The following CEP120 variants were observed in gnomAD, a reference collection of about 807,000 sequenced individuals.
The protein encoded by CEP120 is centrosomal protein 120.
A neutral mutation model predicts 126.5 loss-of-function variants in CEP120; 113 were observed. The observed-to-expected ratio is 0.89, with a 90% CI of 0.77 to 1.04. The LOEUF (loss-of-function observed/expected upper bound fraction) is 1.04. Ranked by LOEUF, CEP120 falls within the 50% of genes least tolerant of loss-of-function variation. The pLI is 0.00. For missense variants in CEP120, 1,230 were observed against 1,155.7 expected (o/e 1.06, Z -0.93); for synonymous variants, 400 against 394.3 (o/e 1.01, Z -0.17).
intron 4 of CEP120, chr5:123,402,098 G>T (rs1348074999): frequency 2.5e-6 from 4 of 1,572,968 alleles, no homozygotes; most frequent in South Asian, 1.1e-5. Context: ...CCTGGATGTC[G>T]GGGTCCACCT....
Position 123,388,530 on chromosome 5 carries a change from C to T in CEP120, c.1332G>A (p.Lys444=). ...SNASEVASGQ[K]IAVPATSHHF... is the part of the protein sequence containing the mutation. ...GATGTGATGTTGCTGGTACAGCAAT[C>T]TTCTGTCCTGAAGCTACTTCTGAAG... The change falls in exon 9 of 20, where the codon AAG becomes AAA. Residue 444 remains lysine, a synonymous_variant. Coordinates refer to ENST00000306467, the MANE Select transcript of CEP120 (RefSeq NM_001375405.1). 2 of 1,611,318 alleles carry T rather than the reference C, an allele frequency of 1.2e-6. No homozygotes were observed. The highest frequency in any genetic ancestry group is 1.3e-5 in the African/African-American group (1 of 74,970).
At chr5:123,348,556 T>A (rs1213535740) in intron 19 of CEP120, among the ~76,000 whole-genome samples, 1 of 152,250 alleles carries the variant, frequency 6.6e-6, no homozygotes, top group Non-Finnish European at 1.5e-5. Flanking sequence ...CTTTTGCAAC[T>A]GGTATTTCTT....
chr5:123,388,416 C>A lies in CEP120; in HGVS notation c.1430+16G>T. ...CTCTTCAGAAAATAATACTTTGAAA[C>A]AAAATCAAATCACACCTTAATATAC... On this transcript the variant is annotated intron_variant, in intron 9 of 19. Coordinates refer to ENST00000306467, the MANE Select transcript of CEP120 (RefSeq NM_001375405.1). The A allele has an allele frequency of 6.9e-7, 1 of 1,454,058 alleles. No individual in the cohort carries two copies. The highest frequency in any genetic ancestry group is 9.1e-7 in the Non-Finnish European group (1 of 1,095,788). 90.1% of individuals were successfully genotyped at this position (1,454,058 alleles called of 1,614,324 possible). A position where few individuals can be genotyped will look rare whatever the true frequency, so the allele number is the denominator to read the frequency against.
In CEP120 at chr5:123,346,404, G is replaced by C; in HGVS notation, c.*115C>G. The C allele has an allele frequency of 4.3e-6, 3 of 705,140 alleles. No individual in the cohort carries two copies. Among genetic ancestry groups the C allele is most frequent in the Middle Eastern group, 2.9e-4 (1 of 3,454 alleles). 43.7% of individuals were successfully genotyped at this position (705,140 alleles called of 1,614,324 possible). A position where few individuals can be genotyped will look rare whatever the true frequency, so the allele number is the denominator to read the frequency against. On this transcript the variant is annotated 3_prime_UTR_variant, in exon 20 of 20. Transcript: ENST00000306467. ...ACTATACAATAACATACAAAATTTT[G>C]CTTATAAAAAATTGAAAATACCATT...
intron 17 of CEP120, among the ~76,000 whole-genome samples, chr5:123,369,028 C>G (rs1290561482): frequency 6.6e-6 from 1 of 151,560 alleles, no homozygotes; most frequent in African/African-American, 2.4e-5. Context: ...AGTTTGAGAA[C>G]TACTGTTCTA....
In CEP120 at chr5:123,388,459, A is replaced by G. The variant is rs777637331; in HGVS notation, c.1403T>C (p.Ile468Thr). 7.7e-6 allele frequency: 12 copies of G among 1,560,482 alleles called. No individual in the cohort carries two copies. Among genetic ancestry groups the G allele is most frequent in the Middle Eastern group, 1.7e-4 (1 of 5,876 alleles). The change falls in exon 9 of 20, where the codon ATT becomes ACT. Residue 468 changes from isoleucine (I) to threonine (T), a missense_variant. Ile to Thr is a moderately conservative substitution (Grantham distance 89, BLOSUM62 -1). Coordinates refer to ENST00000306467, the MANE Select transcript of CEP120 (RefSeq NM_001375405.1). ...TAATATACAGTTGATTGGAAAACCA[A>G]TCTCCAAGGCATGTATACTCCTTAA... The part of the protein sequence containing the change: ...IDLRSIHALE[I>T]GFPINCILRY...
intron 18 of CEP120, among the ~76,000 whole-genome samples, chr5:123,353,791 T>C (rs754135946): frequency 3.9e-5 from 6 of 152,024 alleles, no homozygotes; most frequent in Non-Finnish European, 8.8e-5. Flanking sequence ...TTGAGATCTA[T>C]AGTCTTGTCT....
intron 4 of CEP120, among the ~76,000 whole-genome samples, chr5:123,407,285 T>C (rs921742277): frequency 2.0e-5 from 3 of 152,078 alleles, no homozygotes; most frequent in Non-Finnish European, 2.9e-5. Flanking sequence ...TGAACATCAA[T>C]AGTTTAAATG....
At chr5:123,405,564 G>A (rs903723318) in intron 4 of CEP120, among the ~76,000 whole-genome samples, 1 of 152,090 alleles carries the variant, frequency 6.6e-6, no homozygotes, top group Non-Finnish European at 1.5e-5. Flanking sequence ...TCCATGCAAG[G>A]GAAGGGAATA....
intron 14 of CEP120, among the ~76,000 whole-genome samples, chr5:123,380,304 ATGAAT>A (rs1771547483): frequency 6.6e-6 from 1 of 152,118 alleles, no homozygotes; most frequent in African/African-American, 2.4e-5. Flanking sequence ...TTTAAGACAA[ATGAAT>A]TAAAGTATTT....
In CEP120 at chr5:123,402,157, T is replaced by G. The variant is rs532499214; in HGVS notation, c.464-2873A>C. ...CTCTGGTTGACTGTGACCGCGGTGATGCCTCCCATGCCGCTGGCCCCACCA... is the reference window on the plus strand; with the variant it reads ...CTCTGGTTGACTGTGACCGCGGTGAGGCCTCCCATGCCGCTGGCCCCACCA... On this transcript the variant is annotated intron_variant, in intron 4 of 19. Coordinates refer to ENST00000306467, the MANE Select transcript of CEP120 (RefSeq NM_001375405.1). 1.6e-5 allele frequency: 25 copies of G among 1,582,046 alleles called. No homozygotes were observed. The African/African-American group carries it at 3.1e-4, about 20-fold the overall frequency.
chr5:123,415,905 G>T, intron 3 of CEP120, 105 bp downstream of exon 3: 1 of 710,680 alleles, frequency 1.4e-6, no homozygotes, highest in Non-Finnish European at 2.4e-6. Flanking sequence ...TCAAGTCTAT[G>T]ACTGATCAGG....
At chr5:123,350,533 A>C (rs1561988356) in intron 18 of CEP120, among the ~76,000 whole-genome samples, 1 of 152,234 alleles carries the variant, frequency 6.6e-6, no homozygotes. Flanking sequence ...TGAAGGCAAG[A>C]AAGAGGGTGC....
In CEP120 at chr5:123,382,939, A is replaced by G. The variant is rs1375520054; in HGVS notation, c.1860+47T>C. Reference sequence around the variant, plus strand: ...TTTAAACACTCACACACATATGCACATTAGATTCCTTTTAAAAAAAATTTG... The same window carrying G: ...TTTAAACACTCACACACATATGCACGTTAGATTCCTTTTAAAAAAAATTTG... On this transcript the variant is annotated intron_variant, in intron 12 of 19. Coordinates refer to ENST00000306467, the MANE Select transcript of CEP120 (RefSeq NM_001375405.1). The G allele has an allele frequency of 1.9e-5, 30 of 1,603,540 alleles. No homozygotes were observed. The East Asian group carries it at 6.5e-4, about 35-fold the overall frequency.
At chr5:123,349,335 T>C (rs1363486988) in intron 19 of CEP120, among the ~76,000 whole-genome samples, 1 of 151,974 alleles carries the variant, frequency 6.6e-6, no homozygotes, top group African/African-American at 2.4e-5. Context: ...CCTCACAAAG[T>C]AGCTTTGAAG....
rs182269174 is a variant in CEP120 at position 123,346,125 on chromosome 5, T to C, written c.*394A>G. ...CAACTTTTAAGAATTTACATTCAAATGGAATAGGACGCAGCGTTTTTAAAG... is the reference window on the plus strand; with the variant it reads ...CAACTTTTAAGAATTTACATTCAAACGGAATAGGACGCAGCGTTTTTAAAG... On this transcript the variant is annotated 3_prime_UTR_variant, in exon 20 of 20. Coordinates refer to ENST00000306467, the MANE Select transcript of CEP120 (RefSeq NM_001375405.1). 2.3e-4 allele frequency: 37 copies of C among 158,076 alleles called. No individual in the cohort carries two copies. Among genetic ancestry groups the C allele is most frequent in the South Asian group, 1.6e-3 (8 of 5,092 alleles). 9.8% of individuals were successfully genotyped at this position (158,076 alleles called of 1,614,324 possible).
intron 4 of CEP120, chr5:123,402,482 C>T (rs1385059237): frequency 1.0e-5 from 6 of 581,170 alleles, no homozygotes; most frequent in Non-Finnish European, 1.3e-5. Context: ...TGGATCTCGG[C>T]TTACTGCAAC....
Position 123,399,228 on chromosome 5 carries a change from C to G in CEP120, c.520G>C (p.Glu174Gln). 6.2e-7 allele frequency: 1 copy of G among 1,614,158 alleles called. No homozygotes were observed. Among genetic ancestry groups the G allele is most frequent in the African/African-American group, 1.3e-5 (1 of 75,060 alleles). Residue 174 changes from glutamate to glutamine, a missense_variant, in exon 5 of 20, where the codon GAG (glutamate) becomes CAG (glutamine). Physicochemically the swap from Glu to Gln is conservative, Grantham distance 29. Coordinates refer to ENST00000306467, the MANE Select transcript of CEP120 (RefSeq NM_001375405.1). ...PRDIVAVLNE[E>Q]GGYHQIGPAE... ...GGTCCAATCTGATGGTAGCCTCCCT[C>G]TTCATTCAGCACAGCCACAATGTCC... is the stretch of plus-strand genomic sequence containing the variant.
intron 19 of CEP120, among the ~76,000 whole-genome samples, chr5:123,348,468 CAAAT>C (rs1384808824): frequency 3.3e-5 from 5 of 152,076 alleles, no homozygotes; most frequent in Non-Finnish European, 5.9e-5. Context: ...TGGTAGATAC[CAAAT>C]AAATATTTCC....
Sources: allele counts gnomAD v4.1 joint callset (sites outside exome capture counted in the v4.1 genomes callset), GRCh38; gene constraint gnomAD v4.1.1; transcripts MANE v1.5; gene names NCBI Gene and HGNC (gene_info 2026-07-23, HGNC 2026-07-21).